IGF1: variants seen among roughly 807,000 people sequenced by gnomAD.
IGF1 encodes the protein insulin-like growth factor 1.
A neutral mutation model predicts 13.8 loss-of-function variants in IGF1; 4 were observed. That is an observed-to-expected ratio of 0.29 (90% CI 0.14 to 0.66). IGF1 has a LOEUF of 0.66. Ranked by LOEUF, IGF1 falls within the 30% of genes least tolerant of loss-of-function variation. The pLI is 0.78. For synonymous variants in IGF1, 76 were observed against 72.6 expected (o/e 1.05, Z -0.23); for missense variants, 124 against 188.5 (o/e 0.66, Z 2.00).
intron 3 of IGF1, among the ~76,000 whole-genome samples, chr12:102,407,550 G>A (rs1874282975): frequency 6.6e-6 from 1 of 152,166 alleles, no homozygotes; most frequent in Non-Finnish European, 1.5e-5. Context: ...AATAGTGGTT[G>A]GAATTTGGAC....
At chr12:102,460,968 T>C (rs553566917) in intron 2 of IGF1, among the ~76,000 whole-genome samples, 9 of 152,294 alleles carry the variant, frequency 5.9e-5, no homozygotes, top group African/African-American at 2.2e-4. Flanking sequence ...GAGATCACAA[T>C]TATCACATTT....
intron 2 of IGF1, chr12:102,462,946 A>G (rs543424946): frequency 1.3e-5 from 2 of 152,196 alleles, no homozygotes; most frequent in Non-Finnish European, 1.5e-5. Flanking sequence ...AATGGTTTCA[A>G]TATGATCCTG....
At chr12:102,404,106 T>C (rs1873929575) in intron 3 of IGF1, among the ~76,000 whole-genome samples, 1 of 152,188 alleles carries the variant, frequency 6.6e-6, no homozygotes, top group Admixed American at 6.5e-5. Context: ...TTTGGTTTTA[T>C]CTCTAGCCAG....
intron 2 of IGF1, among the ~76,000 whole-genome samples, chr12:102,430,588 C>A (rs1017125729): frequency 2.0e-5 from 3 of 152,086 alleles, no homozygotes; most frequent in African/African-American, 7.2e-5. Flanking sequence ...TAAGTTCAAG[C>A]CATTGAAGAT....
intron 3 of IGF1, chr12:102,418,074 A>G (rs1380181176): frequency 2.6e-6 from 4 of 1,515,818 alleles, no homozygotes; most frequent in African/African-American, 1.4e-5. Context: ...ATGAGCTCAG[A>G]ATGCCCAGGC....
chr12:102,419,380 C>A, intron 3 of IGF1, 129 bp downstream of exon 3: 1 of 864,292 alleles, frequency 1.2e-6, no homozygotes, highest in Non-Finnish European at 1.8e-6. Context: ...TAATCCATCC[C>A]TTTGGTGCAA....
chr12:102,471,500 C>T (rs534649727), intron 2 of IGF1, among the ~76,000 whole-genome samples: 1 of 152,240 alleles, frequency 6.6e-6, no homozygotes, highest in South Asian at 2.1e-4. Context: ...TTGTTGCAAT[C>T]AATAACAATG....
chr12:102,467,163 G>A (rs754838257), intron 2 of IGF1, among the ~76,000 whole-genome samples: 2 of 152,116 alleles, frequency 1.3e-5, no homozygotes, highest in Non-Finnish European at 2.9e-5. Flanking sequence ...ATGGCACAGA[G>A]GTAGTACCAT....
intron 2 of IGF1, among the ~76,000 whole-genome samples, chr12:102,443,744 T>G (rs1035240433): frequency 6.6e-6 from 1 of 152,054 alleles, no homozygotes; most frequent in African/African-American, 2.4e-5. Flanking sequence ...AGGTAACAGA[T>G]CACTGAGAGT....
At position 102,402,071 on chromosome 12, in the gene IGF1, G is replaced by C. The variant is rs937474494; in HGVS notation, c.*436C>G. On this transcript the variant is annotated 3_prime_UTR_variant, in exon 4 of 4. Coordinates refer to ENST00000337514, the MANE Select transcript of IGF1 (RefSeq NM_000618.5). ...CACTGTAAAACAAACAGCCCGAGTT[G>C]TGTAGAAAGAAGTGCAAATAAGGAA... is the stretch of plus-strand genomic sequence containing the variant. 1 of 155,908 alleles carries C rather than the reference G, an allele frequency of 6.4e-6. No individual in the cohort carries two copies. Among genetic ancestry groups the C allele is most frequent in the African/African-American group, 2.4e-5 (1 of 41,458 alleles). 9.7% of individuals were successfully genotyped at this position (155,908 alleles called of 1,614,324 possible). A position where few individuals can be genotyped will look rare whatever the true frequency, so the allele number is the denominator to read the frequency against.
intron 1 of IGF1, among the ~76,000 whole-genome samples, chr12:102,477,449 C>T (rs1164321272): frequency 6.6e-6 from 1 of 151,678 alleles, no homozygotes; most frequent in East Asian, 1.9e-4. Context: ...GCATTTTTCT[C>T]AACAAGATCT....
intron 2 of IGF1, among the ~76,000 whole-genome samples, chr12:102,459,865 C>G (rs1879757046): frequency 2.0e-5 from 3 of 152,148 alleles, no homozygotes; most frequent in African/African-American, 7.2e-5. Flanking sequence ...AAACCAGCAG[C>G]AGTTAGTCTG....
At chr12:102,451,187 A>G (rs1227765364) in intron 2 of IGF1, among the ~76,000 whole-genome samples, 1 of 152,232 alleles carries the variant, frequency 6.6e-6, no homozygotes, top group African/African-American at 2.4e-5. Context: ...TACGTAGACC[A>G]ATTGACTCCT....
At chr12:102,479,332 AC>A (rs1438938550) in intron 1 of IGF1, among the ~76,000 whole-genome samples, 3 of 152,206 alleles carry the variant, frequency 2.0e-5, no homozygotes, top group African/African-American at 7.2e-5. Context: ...AGTGGCAGAG[AC>A]GTCTTATGAA....
chr12:102,450,338 T>A (rs1175843258), intron 2 of IGF1, among the ~76,000 whole-genome samples: 1 of 152,264 alleles, frequency 6.6e-6, no homozygotes, highest in Non-Finnish European at 1.5e-5. Flanking sequence ...TGAACTATTT[T>A]GGATGTGACA....
chr12:102,450,208 A>T (rs1386609455), intron 2 of IGF1, among the ~76,000 whole-genome samples: 1 of 152,060 alleles, frequency 6.6e-6, no homozygotes, highest in African/African-American at 2.4e-5. Flanking sequence ...ACTAAATTTC[A>T]TGCTCTCCTT....
At chr12:102,434,512 G>A (rs1877042191) in intron 2 of IGF1, among the ~76,000 whole-genome samples, 1 of 145,434 alleles carries the variant, frequency 6.9e-6, no homozygotes, top group African/African-American at 2.5e-5. Flanking sequence ...GTATTCCATG[G>A]TGTATATGTG....
chr12:102,422,163 G>A (rs1875784663), intron 2 of IGF1, among the ~76,000 whole-genome samples: 1 of 152,124 alleles, frequency 6.6e-6, no homozygotes, highest in Non-Finnish European at 1.5e-5. Flanking sequence ...ATGGGTTTAG[G>A]TACAGAGAAT....
chr12:102,449,436 C>T (rs976415389), intron 2 of IGF1, among the ~76,000 whole-genome samples: 1 of 151,886 alleles, frequency 6.6e-6, no homozygotes, highest in African/African-American at 2.4e-5. Context: ...AGAGAAATAC[C>T]TAATGTAGGT....
Sources: allele counts gnomAD v4.1 joint callset (sites outside exome capture counted in the v4.1 genomes callset), GRCh38; gene constraint gnomAD v4.1.1; transcripts MANE v1.5; gene names NCBI Gene and HGNC (gene_info 2026-07-23, HGNC 2026-07-21).